TMEM170A: variants seen among roughly 807,000 people sequenced by gnomAD.
The protein encoded by TMEM170A is transmembrane protein 170.
TMEM170A carries 18 observed loss-of-function variants against 12.8 expected under a neutral mutation model. That is an observed-to-expected ratio of 1.41 (90% confidence interval 0.97 to 2.09). The LOEUF (loss-of-function observed/expected upper bound fraction) is 2.09, where lower values mean the gene tolerates loss of function less well. Ranked by LOEUF, TMEM170A falls within the 30% of genes most tolerant of loss-of-function variation. The probability of loss-of-function intolerance (pLI) is 0.00; values close to 1 mark genes in which losing one functional copy is unlikely to be tolerated. For synonymous variants in TMEM170A, 107 were observed against 76.2 expected, an observed-to-expected ratio of 1.40 and a Z score of -2.11; for missense variants, 220 against 179.9, an observed-to-expected ratio of 1.22 and a Z score of -1.28.
chr16:75,462,855 T>C (rs1415326467), intron 1 of TMEM170A, among the ~76,000 whole-genome samples: 2 of 152,234 alleles, frequency 1.3e-5, no homozygotes, highest in African/African-American at 4.8e-5. Context: ...AACATTATTC[T>C]ATGATGTTCA....
At chr16:75,458,429 G>A (rs1457807023) in intron 1 of TMEM170A, 2 of 152,186 alleles carry the variant, frequency 1.3e-5, no homozygotes, top group South Asian at 4.1e-4. Context: ...TTTCCAGTTA[G>A]GTCTAATGTA....
Position 75,446,632 on chromosome 16 carries a change from A to G in TMEM170A, c.*926T>C, listed in dbSNP as rs994615256. On this transcript the variant is annotated 3_prime_UTR_variant, in exon 3 of 3. Coordinates refer to ENST00000561878, the MANE Select transcript of TMEM170A (RefSeq NM_145254.3). ...TAACTCTAGTTTCAGATGCACTTCTATAGTTTCTCAAGGGTCATTAGTATA... is the reference window on the plus strand; with the variant it reads ...TAACTCTAGTTTCAGATGCACTTCTGTAGTTTCTCAAGGGTCATTAGTATA... 1 of 152,210 alleles carries G rather than the reference A, an allele frequency of 6.6e-6. No homozygotes were observed. Among genetic ancestry groups the G allele is most frequent in the African/African-American group, 2.4e-5 (1 of 41,448 alleles). 9.4% of individuals were successfully genotyped at this position (152,210 alleles called of 1,614,324 possible).
intron 1 of TMEM170A, among the ~76,000 whole-genome samples, chr16:75,463,737 C>T (rs2079946319): frequency 6.6e-6 from 1 of 152,228 alleles, no homozygotes; most frequent in African/African-American, 2.4e-5. Flanking sequence ...AAGTGAAGTC[C>T]TCTCTCCTCC....
rs917440409 is a variant in TMEM170A at position 75,445,138 on chromosome 16, T to G, written c.*2420A>C. 2.6e-5 allele frequency: 4 copies of G among 152,160 alleles called. No homozygotes were observed. Among genetic ancestry groups the G allele is most frequent in the Non-Finnish European group, 5.9e-5 (4 of 68,032 alleles). 9.4% of individuals were successfully genotyped at this position (152,160 alleles called of 1,614,324 possible). On this transcript the variant is annotated 3_prime_UTR_variant, in exon 3 of 3. Transcript: ENST00000561878. The stretch of plus-strand genomic sequence containing the variant: ...AGATTTCTTAAACTGAAGGGATACT[T>G]TTGAAAATCACAGCTCTTTAAACAA...
intron 1 of TMEM170A, among the ~76,000 whole-genome samples, chr16:75,460,689 C>T (rs1314509888): frequency 6.6e-6 from 1 of 152,194 alleles, no homozygotes; most frequent in Non-Finnish European, 1.5e-5. Flanking sequence ...TCTCTCTCCC[C>T]ATTGGAATGA....
At chr16:75,457,822 C>T (rs1425705196) in intron 1 of TMEM170A, among the ~76,000 whole-genome samples, 1 of 152,198 alleles carries the variant, frequency 6.6e-6, no homozygotes, top group Non-Finnish European at 1.5e-5. Flanking sequence ...CCCCTACAAC[C>T]CTGAGCCACA....
rs900184475 is a variant in TMEM170A, at chr16:75,451,366, C to T, written c.304+303G>A. ...GGAGTTCGAGACCCGGGCAACATGA[C>T]GAAACCCTGTCTCTACAAAAAATAC... On this transcript the variant is annotated intron_variant, in intron 2 of 2. Coordinates refer to ENST00000561878, the MANE Select transcript of TMEM170A (RefSeq NM_145254.3). 1.7e-4 allele frequency: 81 copies of T among 479,218 alleles called. 1 individual carries two copies. The highest frequency in any genetic ancestry group is 3.0e-4 in the Admixed American group (8 of 26,688). The allele number at this position is 479,218 out of a possible 1,614,324, so 29.7% of individuals were successfully genotyped here.
chr16:75,451,685 A>C lies in TMEM170A; in HGVS notation c.288T>G (p.Thr96=). ...ILLMGIVGPI[T]AGILTSAAIA... Reference sequence around the variant, plus strand: ...CTAACATACTTGTCAAGATTCCAGCAGTAATTGGTCCCACGATGCCCATCA... The same window carrying C: ...CTAACATACTTGTCAAGATTCCAGCCGTAATTGGTCCCACGATGCCCATCA... The change falls in exon 2 of 3, where the codon ACT becomes ACG. Residue 96 remains threonine, a synonymous_variant. Transcript: ENST00000561878. The C allele has an allele frequency of 6.2e-7, 1 of 1,614,232 alleles. No individual in the cohort carries two copies. Among genetic ancestry groups the C allele is most frequent in the Non-Finnish European group, 8.5e-7 (1 of 1,180,038 alleles).
intron 1 of TMEM170A, among the ~76,000 whole-genome samples, chr16:75,464,036 G>T (rs547411164): frequency 6.6e-6 from 1 of 152,208 alleles, no homozygotes; most frequent in Non-Finnish European, 1.5e-5. Context: ...AGGGGAGCGC[G>T]AGCTCTGACT....
intron 1 of TMEM170A, among the ~76,000 whole-genome samples, chr16:75,456,893 C>G (rs1262317841): frequency 6.6e-6 from 1 of 152,222 alleles, no homozygotes; most frequent in Non-Finnish European, 1.5e-5. Context: ...CCACACAGCA[C>G]CATGCTTCTC....
rs945353632 is a variant in TMEM170A at position 75,445,620 on chromosome 16, G to T, written c.*1938C>A. The T allele has an allele frequency of 1.2e-4, 19 of 152,010 alleles. No homozygotes were observed. Among genetic ancestry groups the T allele is most frequent in the African/African-American group, 4.1e-4 (17 of 41,408 alleles). The allele number at this position is 152,010 out of a possible 1,614,324, so 9.4% of individuals were successfully genotyped here. A position where few individuals can be genotyped will look rare whatever the true frequency, so the allele number is the denominator to read the frequency against. ...CCATAAGTGGTCTAATTAGTCAAAAGAATATGTCCAGTTTTTGTGATCTCT... is the reference window on the plus strand; with the variant it reads ...CCATAAGTGGTCTAATTAGTCAAAATAATATGTCCAGTTTTTGTGATCTCT... On this transcript the variant is annotated 3_prime_UTR_variant, in exon 3 of 3. Coordinates refer to ENST00000561878, the MANE Select transcript of TMEM170A (RefSeq NM_145254.3).
chr16:75,454,591 C>T (rs2079751568), intron 1 of TMEM170A, among the ~76,000 whole-genome samples: 1 of 152,040 alleles, frequency 6.6e-6, no homozygotes, highest in Non-Finnish European at 1.5e-5. Context: ...GCTCAGATCA[C>T]ACCACTGCAC....
chr16:75,464,482 A>C lies in TMEM170A; in HGVS notation c.119T>G (p.Leu40Arg). Residue 40 changes from leucine to arginine, a missense_variant, in exon 1 of 3, where the codon CTC becomes CGC. Leu to Arg is a moderately radical substitution (Grantham distance 102). Transcript: ENST00000561878. ...GCGGGCCGTACCTGGGAAGGAGCAG[A>C]GGGAAGTAGAGTTGGGGCACAGGGT... is the stretch of plus-strand genomic sequence containing the variant. Reference protein sequence around the residue: ...NGTLCPNSTSLCSFPEMWYGV... With the variant: ...NGTLCPNSTSRCSFPEMWYGV... 6.4e-7 allele frequency: 1 copy of C among 1,554,114 alleles called. No individual in the cohort carries two copies. The highest frequency in any genetic ancestry group is 8.7e-7 in the Non-Finnish European group (1 of 1,154,636).
chr16:75,451,945 T>G (rs1567698952), intron 1 of TMEM170A, 106 bp from the exon 2 acceptor site: 3 of 1,065,724 alleles, frequency 2.8e-6, no homozygotes, highest in East Asian at 2.7e-5. Context: ...ACCGTTTCTT[T>G]TTTCCTTTTT....
At chr16:75,455,128 C>T (rs4887830) in intron 1 of TMEM170A, among the ~76,000 whole-genome samples, 113,919 of 152,062 alleles carry the variant, frequency 0.75, 42,878 homozygotes, top group Non-Finnish European at 0.79. Flanking sequence ...GAGGCTGAGG[C>T]AGGCAGATCA....
intron 1 of TMEM170A, among the ~76,000 whole-genome samples, chr16:75,460,685 T>C (rs1230277051): frequency 1.3e-5 from 2 of 152,092 alleles, no homozygotes; most frequent in Non-Finnish European, 2.9e-5. Context: ...TTTTTCTCTC[T>C]CCCCATTGGA....
chr16:75,452,576 G>A (rs1424704640), intron 1 of TMEM170A: 1 of 152,190 alleles, frequency 6.6e-6, no homozygotes, highest in Non-Finnish European at 1.5e-5. Flanking sequence ...CTCCCAAAGT[G>A]CTAGGATAAC....
At chr16:75,454,974 A>C (rs1293421188) in intron 1 of TMEM170A, among the ~76,000 whole-genome samples, 1 of 152,226 alleles carries the variant, frequency 6.6e-6, no homozygotes, top group Non-Finnish European at 1.5e-5. Context: ...CATAATATCA[A>C]AAACTAGAAG....
chr16:75,447,408 G>T lies in TMEM170A; in HGVS notation c.*150C>A. On this transcript the variant is annotated 3_prime_UTR_variant, in exon 3 of 3. Transcript: ENST00000561878. ...TCTTCAATTCTAGGAGCTTCAAAAT[G>T]AAGAAAAGGCTGAGATGTGTTGTCC... 1 of 825,216 alleles carries T rather than the reference G, an allele frequency of 1.2e-6. No homozygotes were observed. The highest frequency in any genetic ancestry group is 1.7e-6 in the Non-Finnish European group (1 of 589,928). 51.1% of individuals were successfully genotyped at this position (825,216 alleles called of 1,614,324 possible).
Sources: gnomAD v4.1 joint callset for allele counts (sites outside exome capture counted in the v4.1 genomes callset) on GRCh38, gnomAD v4.1.1 for gene constraint, MANE v1.5 for transcripts, NCBI Gene and HGNC (gene_info 2026-07-23, HGNC 2026-07-21) for gene names.